SLC8A1: variants seen among roughly 807,000 people sequenced by gnomAD.
SLC8A1 encodes the protein solute carrier family 8 member A1, also known as sodium/calcium exchanger 1.
SLC8A1 carries 18 observed loss-of-function variants against 68.3 expected under a neutral mutation model. The ratio of observed to expected loss-of-function variants is 0.26; its 90% CI spans 0.18 to 0.39. The LOEUF (loss-of-function observed/expected upper bound fraction) is 0.39. Ranked by LOEUF, SLC8A1 falls within the 10% of genes least tolerant of loss-of-function variation. The probability of loss-of-function intolerance (pLI) is 1.00; values close to 1 mark genes in which losing one functional copy is unlikely to be tolerated. For missense variants in SLC8A1, 985 were observed against 1,156.7 expected (o/e 0.85, Z 2.15); for synonymous variants, 475 against 415.5 (o/e 1.14, Z -1.74).
intron 1 of SLC8A1, among the ~76,000 whole-genome samples, chr2:40,433,509 G>C (rs1285092068): frequency 6.6e-6 from 1 of 151,864 alleles, no homozygotes; most frequent in Non-Finnish European, 1.5e-5. Flanking sequence ...ATTTCCATTA[G>C]CCAGCATTGC....
At chr2:40,248,622 T>C (rs2062238923) in intron 2 of SLC8A1, among the ~76,000 whole-genome samples, 1 of 152,214 alleles carries the variant, frequency 6.6e-6, no homozygotes, top group Non-Finnish European at 1.5e-5. Context: ...AACTAAGATA[T>C]CTATTGAGGC....
Position 40,135,194 on chromosome 2 carries a change from C to T in SLC8A1, c.2437+4207G>A, listed in dbSNP as rs114325840. Reference sequence around the variant, plus strand: ...CCAAATCACATTGGTCTTGGTAAGACAGAGTGATGCTTTTCAGAGTTTATC... The same window carrying T: ...CCAAATCACATTGGTCTTGGTAAGATAGAGTGATGCTTTTCAGAGTTTATC... On this transcript the variant is annotated intron_variant, in intron 7 of 7. Coordinates refer to ENST00000406785, the Ensembl canonical transcript of SLC8A1. Among the ~76,000 whole-genome samples, 1,454 of 152,218 alleles carry T rather than the reference C, an allele frequency of 9.6e-3. 22 individuals carry two copies. Among genetic ancestry groups the T allele is most frequent in the African/African-American group, 0.032 (1,346 of 41,518 alleles).
chr2:40,359,395 G>C (rs756209339), intron 2 of SLC8A1, among the ~76,000 whole-genome samples: 1 of 152,108 alleles, frequency 6.6e-6, no homozygotes, highest in Admixed American at 6.6e-5. Context: ...GGACAGTGCT[G>C]GTAGTAAGTA....
intron 2 of SLC8A1, among the ~76,000 whole-genome samples, chr2:40,351,993 A>G (rs1426188281): frequency 1.3e-5 from 2 of 152,340 alleles, no homozygotes; most frequent in East Asian, 3.9e-4. Flanking sequence ...AAAAGAAGCA[A>G]AAAGCTAAAA....
chr2:40,292,926 C>T (rs1173985155), intron 2 of SLC8A1, among the ~76,000 whole-genome samples: 1 of 152,134 alleles, frequency 6.6e-6, no homozygotes, highest in Non-Finnish European at 1.5e-5. Flanking sequence ...AAATTGATCT[C>T]AACTGCCTTT....
At chr2:40,101,018 A>T (rs550914128) in exon 8 of SLC8A1, 1 of 152,324 alleles carries the variant, frequency 6.6e-6, no homozygotes, top group African/African-American at 2.4e-5. Context: ...TATTTTAAGT[A>T]TCCACAAATG....
intron 2 of SLC8A1, among the ~76,000 whole-genome samples, chr2:40,358,518 A>G (rs1443467999): frequency 2.0e-5 from 3 of 152,350 alleles, no homozygotes; most frequent in Non-Finnish European, 4.4e-5. Flanking sequence ...GAGTAAGAAC[A>G]TCTTAATTTT....
chr2:40,455,217 A>T (rs1576603432), upstream of SLC8A1, among the ~76,000 whole-genome samples: 1 of 152,214 alleles, frequency 6.6e-6, no homozygotes, highest in South Asian at 2.1e-4. Context: ...ATTGTGAATT[A>T]GGCCCTACTT....
At chr2:40,321,314 T>C (rs2075161208) in intron 2 of SLC8A1, among the ~76,000 whole-genome samples, 1 of 152,132 alleles carries the variant, frequency 6.6e-6, no homozygotes, top group South Asian at 2.1e-4. Flanking sequence ...AATTAAGACA[T>C]TTATAACCAG....
At chr2:40,421,480 A>C (rs1445431857) in intron 2 of SLC8A1, among the ~76,000 whole-genome samples, 1 of 152,184 alleles carries the variant, frequency 6.6e-6, no homozygotes, top group Non-Finnish European at 1.5e-5. Flanking sequence ...GATATCTCAT[A>C]TGTAAGCATA....
At chr2:40,186,387 T>G (rs924964080) in intron 2 of SLC8A1, among the ~76,000 whole-genome samples, 1 of 152,144 alleles carries the variant, frequency 6.6e-6, no homozygotes, top group African/African-American at 2.4e-5. Flanking sequence ...AAAAGTTGAT[T>G]GGTGAGTTGC....
intron 1 of SLC8A1, among the ~76,000 whole-genome samples, chr2:40,506,484 T>C (rs2149942342): frequency 6.6e-6 from 1 of 152,126 alleles, no homozygotes; most frequent in South Asian, 2.1e-4. Context: ...TTAGTTTCTT[T>C]ATAACAAAAC....
intron 1 of SLC8A1, among the ~76,000 whole-genome samples, chr2:40,435,952 T>TTTTC (rs1219356049): frequency 1.3e-5 from 2 of 151,400 alleles, no homozygotes; most frequent in African/African-American, 2.4e-5. Flanking sequence ...ATTTTTTTTT[T>TTTTC]TTTTTTTGTA....
chr2:40,296,486 G>T (rs1456817599), intron 2 of SLC8A1, among the ~76,000 whole-genome samples: 1 of 152,044 alleles, frequency 6.6e-6, no homozygotes, highest in African/African-American at 2.4e-5. Context: ...AGGGAACTGG[G>T]CATAATTGAA....
intron 2 of SLC8A1, among the ~76,000 whole-genome samples, chr2:40,370,198 C>T (rs59775809): frequency 0.012 from 1,829 of 152,196 alleles, 37 homozygotes; most frequent in African/African-American, 0.04. Flanking sequence ...TCATTCATTG[C>T]GTGGGCAGGA....
intron 2 of SLC8A1, among the ~76,000 whole-genome samples, chr2:40,426,772 A>G (rs768073532): frequency 1.1e-4 from 17 of 152,102 alleles, no homozygotes; most frequent in Admixed American, 3.9e-4. Context: ...AACAACACGC[A>G]GTACACTTTT....
At chr2:40,101,893 A>C (rs1290075731) in exon 8 of SLC8A1, 1 of 152,076 alleles carries the variant, frequency 6.6e-6, no homozygotes, top group Non-Finnish European at 1.5e-5. Flanking sequence ...GGACTGGATA[A>C]TTTGCATGTC....
At chr2:40,188,825 G>A (rs1234167792) in intron 2 of SLC8A1, among the ~76,000 whole-genome samples, 2 of 152,088 alleles carry the variant, frequency 1.3e-5, no homozygotes, top group African/African-American at 4.8e-5. Context: ...AATGCACAGT[G>A]GCAAATCAAT....
chr2:40,240,938 C>A (rs1470033718), intron 2 of SLC8A1, among the ~76,000 whole-genome samples: 1 of 152,184 alleles, frequency 6.6e-6, no homozygotes, highest in Non-Finnish European at 1.5e-5. Context: ...TAAATTTCTT[C>A]CGTGATTTTT....
Sources: gnomAD v4.1 joint callset for allele counts (sites outside exome capture counted in the v4.1 genomes callset) on GRCh38, gnomAD v4.1.1 for gene constraint, MANE v1.5 for transcripts, NCBI Gene and HGNC (gene_info 2026-07-23, HGNC 2026-07-21) for gene names.